Variants in DTNA observed in about 807,000 individuals in gnomAD.
DTNA encodes the protein dystrophin-related protein 3.
A neutral mutation model predicts 100.7 loss-of-function variants in DTNA; 43 were observed. The ratio of observed to expected loss-of-function variants is 0.43; its 90% CI spans 0.33 to 0.55. The LOEUF (loss-of-function observed/expected upper bound fraction) is 0.55, where lower values mean the gene tolerates loss of function less well. DTNA is among the 20% of genes least tolerant of loss of function. The pLI is 0.04. For missense variants in DTNA, 798 were observed against 953.9 expected (o/e 0.84, Z 2.15); for synonymous variants, 349 against 347.9 (o/e 1.00, Z -0.04).
Position 34,790,541 on chromosome 18 carries a change from G to A in DTNA, c.149-3496G>A, listed in dbSNP as rs1258420358. ...ATGGGAAGTTATTAAAGGACTTTAA[G>A]CAGCATACTATATATATATATATAT... On this transcript the variant is annotated intron_variant, in intron 3 of 22. Transcript: ENST00000444659. Among the ~76,000 whole-genome samples the A allele has an allele frequency of 8.7e-5, 10 of 115,134 alleles. 1 individual carries two copies. Among genetic ancestry groups the A allele is most frequent in the African/African-American group, 3.2e-4 (9 of 27,938 alleles). 75.5% of individuals were successfully genotyped at this position (115,134 alleles called of 152,430 possible).
intron 4 of DTNA, among the ~76,000 whole-genome samples, chr18:34,803,108 C>A (rs1292464248): frequency 6.6e-6 from 1 of 152,134 alleles, no homozygotes; most frequent in African/African-American, 2.4e-5. Flanking sequence ...TGAACTCACC[C>A]AGTTTTGGTG....
chr18:34,774,463 C>T (rs2093943182), intron 3 of DTNA, among the ~76,000 whole-genome samples: 1 of 152,216 alleles, frequency 6.6e-6, no homozygotes. Context: ...CTGATGTCAC[C>T]TGGGTTCACT....
At chr18:34,607,371 T>C (rs10438941) in intron 1 of DTNA, among the ~76,000 whole-genome samples, 9,947 of 152,224 alleles carry the variant, frequency 0.065, 399 homozygotes, top group Non-Finnish European at 0.074. Context: ...AAGAGAATAT[T>C]GCAATAGTCT....
At chr18:34,728,458 T>C (rs990310107) in intron 1 of DTNA, among the ~76,000 whole-genome samples, 7 of 152,124 alleles carry the variant, frequency 4.6e-5, no homozygotes, top group Non-Finnish European at 5.9e-5. Context: ...AAAGTAAAAT[T>C]TCCCCACCTA....
intron 1 of DTNA, among the ~76,000 whole-genome samples, chr18:34,503,858 G>A (rs113817382): frequency 0.027 from 4,082 of 151,280 alleles, 101 homozygotes; most frequent in African/African-American, 0.063. Context: ...ACAGAGTCTC[G>A]CTGTGTTGCC....
intron 8 of DTNA, among the ~76,000 whole-genome samples, chr18:34,820,174 A>G (rs1258502250): frequency 6.6e-6 from 1 of 152,022 alleles, no homozygotes; most frequent in Non-Finnish European, 1.5e-5. Context: ...TTGAAGTTCC[A>G]TTTTCACTTC....
intron 1 of DTNA, among the ~76,000 whole-genome samples, chr18:34,692,250 C>T (rs34470952): frequency 0.049 from 7,418 of 152,260 alleles, 289 homozygotes; most frequent in Non-Finnish European, 0.076. Context: ...AAAAGAAGAG[C>T]TCCGTTCTGG....
chr18:34,778,396 A>G (rs889574460), intron 3 of DTNA, among the ~76,000 whole-genome samples: 7 of 152,178 alleles, frequency 4.6e-5, no homozygotes, highest in Non-Finnish European at 8.8e-5. Flanking sequence ...TTTTTATAGC[A>G]TATTTTATCT....
At chr18:34,585,983 A>T (rs1411989580) in intron 1 of DTNA, among the ~76,000 whole-genome samples, 3 of 152,202 alleles carry the variant, frequency 2.0e-5, no homozygotes, top group Non-Finnish European at 4.4e-5. Context: ...TCCCAGGTTC[A>T]TGGAGGGCTC....
At chr18:34,803,617 G>T (rs1294427858) in intron 4 of DTNA, among the ~76,000 whole-genome samples, 1 of 152,068 alleles carries the variant, frequency 6.6e-6, no homozygotes, top group Non-Finnish European at 1.5e-5. Context: ...ATTGCTATGT[G>T]ATTGCTAATC....
chr18:34,820,338 C>T (rs1287548950), intron 8 of DTNA, among the ~76,000 whole-genome samples: 16 of 152,132 alleles, frequency 1.1e-4, no homozygotes, highest in Non-Finnish European at 2.4e-4. Context: ...CTGATGCTGT[C>T]ATGCCTGTGA....
intron 6 of DTNA, among the ~76,000 whole-genome samples, chr18:34,814,232 A>G (rs919590656): frequency 5.3e-5 from 8 of 152,222 alleles, no homozygotes; most frequent in African/African-American, 1.9e-4. Flanking sequence ...CTGTTGTATT[A>G]CTTCACCCAG....
chr18:34,578,592 A>G (rs1392365020), intron 1 of DTNA, among the ~76,000 whole-genome samples: 6 of 152,160 alleles, frequency 3.9e-5, no homozygotes. Flanking sequence ...TAGCATTTGC[A>G]TAGTTTAAGA....
chr18:34,523,988 G>A (rs574541663), intron 1 of DTNA, among the ~76,000 whole-genome samples: 12 of 151,124 alleles, frequency 7.9e-5, no homozygotes, highest in East Asian at 1.9e-4. Flanking sequence ...TTTTGACAAC[G>A]GTAAAGTCCT....
intron 1 of DTNA, among the ~76,000 whole-genome samples, chr18:34,665,367 T>C (rs2075766562): frequency 6.6e-6 from 1 of 152,168 alleles, no homozygotes; most frequent in Non-Finnish European, 1.5e-5. Context: ...ACAAATTTTT[T>C]ATGAAAACAA....
chr18:34,653,830 TAAAC>T (rs1031171778), intron 1 of DTNA, among the ~76,000 whole-genome samples: 8 of 151,698 alleles, frequency 5.3e-5, no homozygotes, highest in African/African-American at 1.9e-4. Context: ...TCAAAATAAA[TAAAC>T]AATAAAAACA....
rs1368534713 is a variant in DTNA at position 34,864,730 on chromosome 18, TAATATC to T, written c.1743+670_1743+675del. On this transcript the variant is annotated intron_variant, in intron 17 of 22. Transcript: ENST00000444659. The stretch of plus-strand genomic sequence containing the variant: ...TGATTAAATTAAGAGGAGTGACTGT[TAATATC>T]AGTAAAATATTTTATTCCATTAGTA... Among the ~76,000 whole-genome samples, 4 of 152,366 alleles carry T rather than the reference TAATATC, an allele frequency of 2.6e-5. No individual in the cohort carries two copies. In the East Asian group the frequency reaches 7.7e-4, roughly 29 times the overall value.
intron 1 of DTNA, among the ~76,000 whole-genome samples, chr18:34,595,930 C>T (rs2050506993): frequency 6.6e-6 from 1 of 152,130 alleles, no homozygotes; most frequent in African/African-American, 2.4e-5. Context: ...TAGGTTCACT[C>T]CTCCCCTAAA....
chr18:34,835,359 TA>T (rs1173037405), intron 11 of DTNA, among the ~76,000 whole-genome samples: 3 of 152,204 alleles, frequency 2.0e-5, no homozygotes, highest in African/African-American at 7.2e-5. Context: ...GAACGGAAGA[TA>T]AAAGGTTTTA....
Sources: gnomAD v4.1 joint callset for allele counts (sites outside exome capture counted in the v4.1 genomes callset) on GRCh38, gnomAD v4.1.1 for gene constraint, MANE v1.5 for transcripts, NCBI Gene and HGNC (gene_info 2026-07-23, HGNC 2026-07-21) for gene names.